The following NBPF11 variants were observed in gnomAD, a reference collection of about 807,000 sequenced individuals.
The protein encoded by NBPF11 is NBPF family member NBPF11.
Under a neutral mutation model 93.9 loss-of-function variants are expected in NBPF11, and 72 were observed. That is an observed-to-expected ratio of 0.77 (90% CI 0.63 to 0.93). The LOEUF is 0.93. Among genes scored for constraint, NBPF11 ranks in the 40% least tolerant of loss-of-function variants. The probability of loss-of-function intolerance (pLI) is 0.00; values close to 1 mark genes in which losing one functional copy is unlikely to be tolerated. For synonymous variants in NBPF11, 224 were observed against 304.9 expected (o/e 0.73, Z 2.76); for missense variants, 705 against 802.2 (o/e 0.88, Z 1.46).
chr1:148,111,725 A>G lies in NBPF11; in HGVS notation c.1638-1184T>C, dbSNP rs1260194069. Among the ~76,000 whole-genome samples, 3 of 151,776 alleles carry G rather than the reference A, an allele frequency of 2.0e-5. No individual in the cohort carries two copies. The East Asian group carries it at 5.8e-4, about 29-fold the overall frequency. ...GAGAAAAAAGAGTAAAAAGAAATGAACAAGCCTCCAATAAATATGGGACTA... is the reference window on the plus strand; with the variant it reads ...GAGAAAAAAGAGTAAAAAGAAATGAGCAAGCCTCCAATAAATATGGGACTA... On this transcript the variant is annotated intron_variant, in intron 15 of 23. Transcript: ENST00000682118.
chr1:148,147,441 C>A (rs1365077804), intron 1 of NBPF11, among the ~76,000 whole-genome samples: 26 of 152,062 alleles, frequency 1.7e-4, no homozygotes, highest in African/African-American at 5.8e-4. Flanking sequence ...GGGCCAGCCT[C>A]GATTCCAGAT....
chr1:148,133,417 A>G (rs1670748920), intron 4 of NBPF11, among the ~76,000 whole-genome samples: 2 of 152,132 alleles, frequency 1.3e-5, no homozygotes, highest in Non-Finnish European at 2.9e-5. Context: ...AAAGCATTCA[A>G]TCTTATGCCA....
intron 4 of NBPF11, among the ~76,000 whole-genome samples, chr1:148,134,135 G>A (rs1441119083): frequency 7.9e-5 from 12 of 151,766 alleles, no homozygotes; most frequent in Admixed American, 3.9e-4. Context: ...CATGCACGCC[G>A]CTGTTCCCCT....
intron 1 of NBPF11, among the ~76,000 whole-genome samples, chr1:148,151,423 C>T (rs1405548963): frequency 3.9e-5 from 6 of 151,986 alleles, no homozygotes; most frequent in African/African-American, 9.7e-5. Context: ...GGGTGGGGTG[C>T]GAAGTCAGTG....
At chr1:148,151,129 G>A (rs1368344354) in intron 1 of NBPF11, among the ~76,000 whole-genome samples, 12 of 151,902 alleles carry the variant, frequency 7.9e-5, no homozygotes, top group African/African-American at 2.4e-4. Flanking sequence ...GACAGGCACA[G>A]AAAAATCACA....
At chr1:148,121,606 C>A (rs1172881206) in intron 9 of NBPF11, among the ~76,000 whole-genome samples, 1 of 150,004 alleles carries the variant, frequency 6.7e-6, no homozygotes, top group Non-Finnish European at 1.5e-5. Context: ...CCACCCGCCT[C>A]GGCCTCCCAA....
intron 18 of NBPF11, among the ~76,000 whole-genome samples, 190 bp downstream of exon 18, chr1:148,108,292 C>T (rs1664276466): frequency 6.6e-6 from 1 of 151,802 alleles, no homozygotes; most frequent in South Asian, 2.1e-4. Context: ...AGGAAGAGAG[C>T]CTTGCTCACT....
intron 21 of NBPF11, 46 bp from the exon 22 acceptor site, chr1:148,105,574 C>A (rs1663354711): frequency 2.8e-6 from 2 of 718,910 alleles, no homozygotes; most frequent in Non-Finnish European, 5.0e-6. Context: ...GGAAATCACA[C>A]ACAACAGAGC....
Position 148,122,729 on chromosome 1 carries a change from C to G in NBPF11, c.566G>C (p.Arg189Thr). Residue 189 changes from arginine to threonine, a missense_variant and splice_region_variant, in exon 8 of 24, where the codon AGG becomes ACG. Arg to Thr is a moderately conservative substitution (Grantham distance 71, BLOSUM62 -1). This residue lies in a region of NBPF11 where 262 missense variants were observed against 223.1 expected (regional missense o/e 1.17). Transcript: ENST00000682118. ...DEKVLESSAP[R>T]EVQKAEESKV... ...CTTGCTCCTGAGTATTCAATGTTAC[C>G]TGGGGGCAGATGATTCCAGTACTTT... 6.2e-7 allele frequency: 1 copy of G among 1,609,730 alleles called. No homozygotes were observed. Among genetic ancestry groups the G allele is most frequent in the South Asian group, 1.1e-5 (1 of 90,936 alleles).
intron 9 of NBPF11, 129 bp from the exon 10 acceptor site, chr1:148,120,839 T>C (rs113870792): frequency 5.2e-6 from 4 of 773,314 alleles, no homozygotes; most frequent in East Asian, 5.0e-5. Flanking sequence ...CTGGTTTCAC[T>C]CTTGTCATCT....
intron 4 of NBPF11, among the ~76,000 whole-genome samples, chr1:148,131,440 T>A (rs1670324321): frequency 1.3e-5 from 2 of 151,990 alleles, no homozygotes. Flanking sequence ...TAGACCCATT[T>A]AGATTAAGTG....
intron 4 of NBPF11, among the ~76,000 whole-genome samples, chr1:148,132,099 G>A (rs1571474410): frequency 6.9e-6 from 1 of 145,676 alleles, no homozygotes; most frequent in African/African-American, 2.6e-5. Flanking sequence ...TTGTTTCATT[G>A]TGCTGTTTAT....
At position 148,149,904 on chromosome 1, in the gene NBPF11, C is replaced by T; in HGVS notation, c.-549+1846G>A. ...AAGTTGAAACCGCATTGATATATTACTGCACCTCTACGAGAATAACAAAAT... is the reference window on the plus strand; with the variant it reads ...AAGTTGAAACCGCATTGATATATTATTGCACCTCTACGAGAATAACAAAAT... On this transcript the variant is annotated intron_variant, in intron 1 of 23. Coordinates refer to ENST00000682118, the MANE Select transcript of NBPF11 (RefSeq NM_001385469.3). Among the ~76,000 whole-genome samples the T allele has an allele frequency of 1.3e-5, 2 of 151,676 alleles. 1 individual carries two copies. The highest frequency in any genetic ancestry group is 4.9e-5 in the African/African-American group (2 of 41,138).
chr1:148,120,201 G>C lies in NBPF11; in HGVS notation c.988+300C>G, dbSNP rs1192799794. On this transcript the variant is annotated intron_variant, in intron 10 of 23. Coordinates refer to ENST00000682118, the MANE Select transcript of NBPF11 (RefSeq NM_001385469.3). ...GCAGGATCTTATGTGGTACAGAGAGGATTCTTGAAAACACGATTGAGCCTC... is the reference window on the plus strand; with the variant it reads ...GCAGGATCTTATGTGGTACAGAGAGCATTCTTGAAAACACGATTGAGCCTC... 2.0e-5 allele frequency among the ~76,000 whole-genome samples: 3 copies of C among 152,098 alleles called. No individual in the cohort carries two copies. In the South Asian group the frequency reaches 6.2e-4, roughly 32 times the overall value.
intron 12 of NBPF11, among the ~76,000 whole-genome samples, 178 bp from the exon 13 acceptor site, chr1:148,116,713 C>T (rs1157451850): frequency 1.8e-4 from 28 of 151,706 alleles, no homozygotes; most frequent in Admixed American, 3.3e-4. Context: ...TCAGGCAATG[C>T]ATTTCTGATC....
intron 18 of NBPF11, among the ~76,000 whole-genome samples, chr1:148,108,053 T>C (rs1265742138): frequency 6.6e-6 from 1 of 150,516 alleles, no homozygotes; most frequent in Non-Finnish European, 1.5e-5. Context: ...TTAAAGCAAA[T>C]GCCCCCAAAT....
chr1:148,127,781 T>C (rs1384728237), intron 4 of NBPF11, among the ~76,000 whole-genome samples: 1 of 148,652 alleles, frequency 6.7e-6, no homozygotes, highest in Non-Finnish European at 1.5e-5. Context: ...TAGCTGGGAA[T>C]ACAGGCGCCC....
intron 1 of NBPF11, chr1:148,149,622 G>A (rs1460179377): frequency 1.4e-5 from 22 of 1,519,122 alleles, no homozygotes; most frequent in African/African-American, 8.5e-5. Flanking sequence ...ACCTCACCCC[G>A]CGCCGGCCCC....
At chr1:148,118,232 C>T (rs1249628186) in intron 11 of NBPF11, among the ~76,000 whole-genome samples, 3 of 151,280 alleles carry the variant, frequency 2.0e-5, no homozygotes, top group African/African-American at 4.9e-5. Flanking sequence ...GAGAAGGCAA[C>T]ATTGATTGAG....
Sources: allele counts gnomAD v4.1 joint callset (sites outside exome capture counted in the v4.1 genomes callset), GRCh38; gene constraint gnomAD v4.1.1; regional missense constraint gnomAD v4.1.1; transcripts MANE v1.5; gene names NCBI Gene and HGNC (gene_info 2026-07-23, HGNC 2026-07-21).